C11orf65: variants seen among roughly 807,000 people sequenced by gnomAD.
C11orf65 encodes the protein chromosome 11 open reading frame 65.
In C11orf65, 38 loss-of-function variants were observed where a neutral mutation model predicts 35.3. The ratio of observed to expected loss-of-function variants is 1.08; its 90% CI spans 0.83 to 1.41. C11orf65 has a LOEUF of 1.41. Among genes scored for constraint, C11orf65 ranks in the 40% most tolerant of loss-of-function variants. The probability of loss-of-function intolerance (pLI) is 0.00; values close to 1 mark genes in which losing one functional copy is unlikely to be tolerated. For missense variants in C11orf65, 370 were observed against 367.1 expected (o/e 1.01, Z -0.06); for synonymous variants, 105 against 114.4 (o/e 0.92, Z 0.53).
chr11:108,381,902 C>G (rs2091871700), downstream of C11orf65, among the ~76,000 whole-genome samples: 1 of 151,702 alleles, frequency 6.6e-6, no homozygotes, highest in Non-Finnish European at 1.5e-5. Context: ...GCCTCTCAGA[C>G]TAGTTCTTAA....
intron 6 of C11orf65, among the ~76,000 whole-genome samples, chr11:108,395,440 C>A (rs1488372796): frequency 6.7e-6 from 1 of 149,698 alleles, no homozygotes; most frequent in African/African-American, 2.5e-5. Flanking sequence ...TTCTCCTGCC[C>A]CAGCCTCCCA....
At chr11:108,452,866 T>C (rs563560071) in intron 2 of C11orf65, among the ~76,000 whole-genome samples, 23 of 151,930 alleles carry the variant, frequency 1.5e-4, no homozygotes, top group African/African-American at 5.3e-4. Context: ...TGGATGAAGC[T>C]GGAAACCATC....
Position 108,407,078 on chromosome 11 carries a change from G to A in C11orf65, c.228+18C>T, listed in dbSNP as rs768039181. 3.7e-5 allele frequency: 59 copies of A among 1,603,286 alleles called. No homozygotes were observed. The highest frequency in any genetic ancestry group is 5.0e-5 in the Non-Finnish European group (59 of 1,171,898). On this transcript the variant is annotated intron_variant, in intron 4 of 8. Coordinates refer to ENST00000393084, the MANE Select transcript of C11orf65 (RefSeq NM_152587.5). ...AATGTGCTTTATAACTACTAAATAA[G>A]CATTCATCCATACTTACTCCACCTA...
intron 2 of C11orf65, among the ~76,000 whole-genome samples, chr11:108,359,338 T>A (rs879033567): frequency 1.3e-5 from 2 of 151,392 alleles, no homozygotes; most frequent in East Asian, 3.9e-4. Context: ...ATCCCACACA[T>A]TAATAATGGG....
At chr11:108,354,466 G>A (rs2089635281) in intron 2 of C11orf65, among the ~76,000 whole-genome samples, 1 of 152,160 alleles carries the variant, frequency 6.6e-6, no homozygotes, top group African/African-American at 2.4e-5. Flanking sequence ...CCCAGCATAG[G>A]TCTGTGTACT....
downstream of C11orf65, among the ~76,000 whole-genome samples, chr11:108,328,689 TC>T (rs1470718771): frequency 2.0e-5 from 3 of 152,252 alleles, no homozygotes; most frequent in Admixed American, 2.0e-4. Flanking sequence ...TCTTTTGGCT[TC>T]CCTGGGCCAC....
At chr11:108,348,709 T>C (rs1249827735) in intron 2 of C11orf65, among the ~76,000 whole-genome samples, 2 of 152,200 alleles carry the variant, frequency 1.3e-5, no homozygotes. Flanking sequence ...ACAGGTTTCA[T>C]TATTTTCCAA....
chr11:108,426,099 G>T (rs1472043757), intron 3 of C11orf65, among the ~76,000 whole-genome samples: 1 of 152,166 alleles, frequency 6.6e-6, no homozygotes, highest in Non-Finnish European at 1.5e-5. Context: ...AGACAAGGAT[G>T]CCCTCTCTTA....
At chr11:108,378,486 T>C (rs2091786302), downstream of C11orf65, among the ~76,000 whole-genome samples, 1 of 128,012 alleles carries the variant, frequency 7.8e-6, no homozygotes, top group Non-Finnish European at 1.6e-5. Context: ...TAATTCAGGA[T>C]GGATTAAAGA....
intron 2 of C11orf65, among the ~76,000 whole-genome samples, chr11:108,357,089 C>T (rs1030079549): frequency 1.3e-5 from 2 of 152,248 alleles, no homozygotes; most frequent in African/African-American, 4.8e-5. Flanking sequence ...TGGGTGCACG[C>T]ACTGTGCGCG....
At chr11:108,451,869 G>C (rs2093352425) in intron 2 of C11orf65, among the ~76,000 whole-genome samples, 1 of 152,174 alleles carries the variant, frequency 6.6e-6, no homozygotes, top group Non-Finnish European at 1.5e-5. Context: ...ACAACCATCT[G>C]ATCTTTGACA....
intron 2 of C11orf65, among the ~76,000 whole-genome samples, chr11:108,337,346 C>A (rs2086960498): frequency 6.6e-6 from 1 of 152,142 alleles, no homozygotes; most frequent in Admixed American, 6.5e-5. Flanking sequence ...GTTTAAAAAG[C>A]TAATTAATCC....
At chr11:108,417,577 A>C (rs975027612) in intron 3 of C11orf65, among the ~76,000 whole-genome samples, 48 of 152,018 alleles carry the variant, frequency 3.2e-4, no homozygotes, top group Middle Eastern at 6.8e-3. Context: ...ACAAAAAAAA[A>C]CCTGCTGCCT....
chr11:108,414,110 A>G (rs2092696978), intron 3 of C11orf65, among the ~76,000 whole-genome samples: 2 of 152,050 alleles, frequency 1.3e-5, no homozygotes, highest in Non-Finnish European at 2.9e-5. Context: ...TCTATAAAGA[A>G]AATAAAAGAA....
intron 2 of C11orf65, among the ~76,000 whole-genome samples, chr11:108,446,133 G>T (rs542693360): frequency 1.3e-5 from 2 of 152,134 alleles, no homozygotes; most frequent in East Asian, 3.8e-4. Context: ...GGGACTACGT[G>T]AAAAGACCAA....
chr11:108,309,198 AAAC>A (rs754231723), intron 6 of C11orf65: 147 of 538,714 alleles, frequency 2.7e-4, no homozygotes, highest in Middle Eastern at 5.0e-4. Context: ...AACAACAATA[AAAC>A]AACAACAACA....
chr11:108,448,692 A>C (rs1212099019), intron 2 of C11orf65, among the ~76,000 whole-genome samples: 1 of 152,222 alleles, frequency 6.6e-6, no homozygotes, highest in Non-Finnish European at 1.5e-5. Context: ...TGAATGGGCA[A>C]AAACTGGAAG....
chr11:108,385,858 T>C (rs1357008611), intron 8 of C11orf65, 62 bp downstream of exon 8: 1 of 1,301,516 alleles, frequency 7.7e-7, no homozygotes, highest in Non-Finnish European at 1.1e-6. Context: ...TAGAAATACG[T>C]GTGTGGAATG....
At chr11:108,460,354 C>T (rs1325755519) in intron 2 of C11orf65, among the ~76,000 whole-genome samples, 2 of 152,150 alleles carry the variant, frequency 1.3e-5, no homozygotes, top group Non-Finnish European at 2.9e-5. Flanking sequence ...GTCATTTTAC[C>T]TCTTGGCTCT....
Sources: allele counts gnomAD v4.1 joint callset (sites outside exome capture counted in the v4.1 genomes callset), GRCh38; gene constraint gnomAD v4.1.1; transcripts MANE v1.5; gene names NCBI Gene and HGNC (gene_info 2026-07-23, HGNC 2026-07-21).